PIGN: variants seen among roughly 807,000 people sequenced by gnomAD.
The protein encoded by PIGN is GPI ethanolamine phosphate transferase 1.
In PIGN, 117 loss-of-function variants were observed where a neutral mutation model predicts 125.4. The ratio of observed to expected loss-of-function variants is 0.93; its 90% CI spans 0.80 to 1.09. The LOEUF (loss-of-function observed/expected upper bound fraction) is 1.09. PIGN is among the 50% of genes least tolerant of loss of function. The pLI, the probability that PIGN is intolerant of heterozygous loss-of-function variation, is 0.00. For missense variants in PIGN, 1,075 were observed against 1,094.9 expected, an observed-to-expected ratio of 0.98 and a Z score of 0.26; for synonymous variants, 392 against 377.8, an observed-to-expected ratio of 1.04 and a Z score of -0.44.
chr18:62,078,433 G>C (rs1022177401), intron 28 of PIGN, among the ~76,000 whole-genome samples: 2 of 152,192 alleles, frequency 1.3e-5, no homozygotes, highest in Non-Finnish European at 2.9e-5. Flanking sequence ...ACTTCTAACA[G>C]CAAGTCTGGC....
intron 21 of PIGN, 150 bp downstream of exon 21, chr18:62,102,644 T>C: frequency 4.1e-6 from 2 of 491,974 alleles, no homozygotes; most frequent in Non-Finnish European, 7.1e-6. Flanking sequence ...CACATTTCCA[T>C]GTAGCATCTT....
intron 1 of PIGN, among the ~76,000 whole-genome samples, chr18:62,171,475 A>G (rs56235046): frequency 0.58 from 88,586 of 151,926 alleles, 26,607 homozygotes; most frequent in East Asian, 0.79. Context: ...TATGCTTTTT[A>G]TATTATCTAG....
At chr18:62,096,085 A>C in intron 22 of PIGN, 135 bp from the exon 23 acceptor site, 1 of 496,470 alleles carries the variant, frequency 2.0e-6, no homozygotes. Flanking sequence ...ACCTGAGGTC[A>C]GGAGTTCGAG....
At position 62,107,055 on chromosome 18, in the gene PIGN, T is replaced by G. The variant is rs755115652; in HGVS notation, c.1605A>C (p.Ser535=). The change falls in exon 18 of 31, where the codon TCA becomes TCC. Residue 535 remains serine (S), a synonymous_variant. Coordinates refer to ENST00000640252, the MANE Select transcript of PIGN (RefSeq NM_176787.5). The part of the protein sequence containing the change: ...EFQVIQDLVV[S]VLTYPLSHFV... The stretch of plus-strand genomic sequence containing the variant: ...AATGGCTCAGAGGATAGGTCAACAC[T>G]GATACAACAAGGTCCTGAATAACTT... The G allele has an allele frequency of 3.1e-6, 5 of 1,587,818 alleles. No individual in the cohort carries two copies. In the South Asian group the frequency reaches 3.5e-5, roughly 11 times the overall value.
intron 28 of PIGN, among the ~76,000 whole-genome samples, chr18:62,078,400 C>T (rs2033282395): frequency 6.6e-6 from 1 of 152,220 alleles, no homozygotes; most frequent in African/African-American, 2.4e-5. Context: ...CAAGGTCACA[C>T]AGCTAGTAAC....
chr18:62,156,045 C>T (rs988624255), intron 6 of PIGN, among the ~76,000 whole-genome samples: 10 of 152,110 alleles, frequency 6.6e-5, no homozygotes, highest in African/African-American at 2.4e-4. Flanking sequence ...GTTACAAATC[C>T]TTTCTGATAA....
chr18:62,054,489 ATTTTTT>A (rs367909088), intron 30 of PIGN, among the ~76,000 whole-genome samples: 1 of 117,312 alleles, frequency 8.5e-6, no homozygotes, highest in African/African-American at 3.2e-5. Flanking sequence ...TTTTTTTCCT[ATTTTTT>A]TTTTTTTTTT....
At chr18:62,039,464 C>T (rs547370038), downstream of PIGN, among the ~76,000 whole-genome samples, 2 of 151,936 alleles carry the variant, frequency 1.3e-5, no homozygotes, top group South Asian at 2.1e-4. Context: ...TCCAGGATGC[C>T]GCACCCCATG....
Position 62,098,727 on chromosome 18 carries a change from T to A in PIGN, c.2077+2348A>T, listed in dbSNP as rs1599514647. The stretch of plus-strand genomic sequence containing the variant: ...TTACCTATGAGTTAACAATTTCATG[T>A]CTTACATCATTTTGTAGGTATCCTC... On this transcript the variant is annotated intron_variant, in intron 22 of 30. Coordinates refer to ENST00000640252, the MANE Select transcript of PIGN (RefSeq NM_176787.5). Among the ~76,000 whole-genome samples the A allele has an allele frequency of 2.6e-5, 4 of 152,282 alleles. No homozygotes were observed. In the Middle Eastern group the frequency reaches 0.014, roughly 522 times the overall value.
intron 7 of PIGN, among the ~76,000 whole-genome samples, chr18:62,149,978 A>T (rs2036469635): frequency 6.6e-6 from 1 of 152,106 alleles, no homozygotes; most frequent in Admixed American, 6.6e-5. Flanking sequence ...CAATTCCCTG[A>T]TAAGAGTTTG....
At chr18:62,116,568 C>T (rs1448844075) in intron 14 of PIGN, among the ~76,000 whole-genome samples, 1 of 152,168 alleles carries the variant, frequency 6.6e-6, no homozygotes, top group Non-Finnish European at 1.5e-5. Context: ...TATTCATCAT[C>T]CTTTATGGTC....
intron 23 of PIGN, among the ~76,000 whole-genome samples, chr18:62,026,749 G>T (rs774106194): frequency 3.5e-4 from 54 of 152,200 alleles, no homozygotes; most frequent in Admixed American, 9.2e-4. Flanking sequence ...GAATGAATTT[G>T]TCTTGGGAAC....
chr18:62,134,238 C>T (rs1205133613), intron 14 of PIGN, among the ~76,000 whole-genome samples: 1 of 151,640 alleles, frequency 6.6e-6, no homozygotes, highest in African/African-American at 2.4e-5. Flanking sequence ...ACTAAAAACA[C>T]AAAAATTAGC....
intron 30 of PIGN, chr18:62,051,773 A>T (rs2031316785): frequency 6.6e-6 from 1 of 152,026 alleles, no homozygotes; most frequent in Non-Finnish European, 1.5e-5. Flanking sequence ...TTTCTTTTCT[A>T]GTTCGTTCAA....
intron 14 of PIGN, among the ~76,000 whole-genome samples, chr18:62,131,221 CTTTG>C (rs1471364283): frequency 1.3e-4 from 20 of 151,974 alleles, no homozygotes; most frequent in East Asian, 9.6e-4. Context: ...GTTAAAATTT[CTTTG>C]TTTATCAAAT....
rs1304912348 is a variant in PIGN, at chr18:62,042,597, C to G, written c.*3259G>C. ...AGTTTACCCAAGAGTAATAATAATTCTAGATTTTAGCCCTGTGAGGCCAAT... is the reference window on the plus strand; with the variant it reads ...AGTTTACCCAAGAGTAATAATAATTGTAGATTTTAGCCCTGTGAGGCCAAT... On this transcript the variant is annotated 3_prime_UTR_variant, in exon 31 of 31. Transcript: ENST00000640252. 3 of 151,690 alleles carry G rather than the reference C, an allele frequency of 2.0e-5. No individual in the cohort carries two copies. The highest frequency in any genetic ancestry group is 2.0e-4 in the Admixed American group (3 of 15,246). The allele number at this position is 151,690 out of a possible 1,614,324, so 9.4% of individuals were successfully genotyped here. A position where few individuals can be genotyped will look rare whatever the true frequency, so the allele number is the denominator to read the frequency against.
rs113067851 is a variant in PIGN, at chr18:62,118,940, G to A, written c.1173-4301C>T. Among the ~76,000 whole-genome samples, 301 of 149,464 alleles carry A rather than the reference G, an allele frequency of 2.0e-3. 5 individuals carry two copies. Among genetic ancestry groups the A allele is most frequent in the African/African-American group, 7.1e-3 (292 of 41,058 alleles). The stretch of plus-strand genomic sequence containing the variant: ...TTTGTATAGAACAAGAGGACAAGAA[G>A]CTAAGAAGAATGTCCCTGAAAAGCA... On this transcript the variant is annotated intron_variant, in intron 14 of 30. Coordinates refer to ENST00000640252, the MANE Select transcript of PIGN (RefSeq NM_176787.5).
chr18:62,048,073 T>C (rs1599389497), intron 30 of PIGN, among the ~76,000 whole-genome samples: 2 of 152,032 alleles, frequency 1.3e-5, no homozygotes, highest in East Asian at 3.9e-4. Flanking sequence ...AAAATTTCCA[T>C]GGAAGTGCTC....
chr18:62,086,920 GA>G lies in PIGN; in HGVS notation c.2371-1657del, dbSNP rs2033734119. 2.0e-5 allele frequency among the ~76,000 whole-genome samples: 3 copies of G among 152,220 alleles called. No homozygotes were observed. In the South Asian group the frequency reaches 6.2e-4, roughly 32 times the overall value. On this transcript the variant is annotated intron_variant, in intron 25 of 30. Coordinates refer to ENST00000640252, the MANE Select transcript of PIGN (RefSeq NM_176787.5). ...ACAAGTTGGATGTCTTGGGGACTGG[GA>G]GTATGGTGATGCCATTAAATGAGAT...
Sources: gnomAD v4.1 joint callset for allele counts (sites outside exome capture counted in the v4.1 genomes callset) on GRCh38, gnomAD v4.1.1 for gene constraint, MANE v1.5 for transcripts, NCBI Gene and HGNC (gene_info 2026-07-23, HGNC 2026-07-21) for gene names.